The following PLCB4 variants were observed in gnomAD, a reference collection of about 807,000 sequenced individuals.
The protein encoded by PLCB4 is phospholipase C beta 4.
A neutral mutation model predicts 178.8 loss-of-function variants in PLCB4; 77 were observed. The ratio of observed to expected loss-of-function variants is 0.43; its 90% CI spans 0.36 to 0.52. The LOEUF (loss-of-function observed/expected upper bound fraction) is 0.52. Among genes scored for constraint, PLCB4 ranks in the 20% least tolerant of loss-of-function variants. The pLI, the probability that PLCB4 is intolerant of heterozygous loss-of-function variation, is 0.00. For missense variants in PLCB4, 1,024 were observed against 1,453.4 expected (o/e 0.70, Z 4.80); for synonymous variants, 496 against 490.8 (o/e 1.01, Z -0.14).
chr20:9,339,855 G>A (rs1601944599), intron 7 of PLCB4, among the ~76,000 whole-genome samples: 1 of 152,232 alleles, frequency 6.6e-6, no homozygotes, highest in East Asian at 1.9e-4. Flanking sequence ...CATTGCCCTG[G>A]CAAGTGAGTC....
intron 14 of PLCB4, among the ~76,000 whole-genome samples, chr20:9,385,444 G>A (rs1471995908): frequency 6.6e-6 from 1 of 150,918 alleles, no homozygotes; most frequent in Non-Finnish European, 1.5e-5. Context: ...GCCGGGCAGA[G>A]GCGCTCCTCA....
intron 30 of PLCB4, among the ~76,000 whole-genome samples, chr20:9,439,066 A>G (rs17391785): frequency 0.015 from 2,336 of 152,364 alleles, 17 homozygotes; most frequent in South Asian, 0.042. Context: ...GACAGGAAGA[A>G]TTCTTGACAG....
intron 1 of PLCB4, 64 bp downstream of exon 1, chr20:9,069,270 G>C (rs373099245): frequency 6.6e-6 from 1 of 152,600 alleles, no homozygotes; most frequent in East Asian, 2.0e-4. Flanking sequence ...CTCAGGGCTT[G>C]TTTGCTTTCC....
intron 39 of PLCB4, among the ~76,000 whole-genome samples, chr20:9,477,037 G>A (rs1341159175): frequency 1.3e-5 from 2 of 152,168 alleles, no homozygotes; most frequent in Non-Finnish European, 2.9e-5. Flanking sequence ...ACAGTGATGT[G>A]CAGCTGTCAT....
At chr20:9,196,280 G>A (rs531576113) in intron 2 of PLCB4, among the ~76,000 whole-genome samples, 26 of 152,292 alleles carry the variant, frequency 1.7e-4, no homozygotes, top group African/African-American at 6.3e-4. Flanking sequence ...GGACCAGAGT[G>A]CCCTGACAAT....
chr20:9,144,719 AAGGGGAAGGAGGGGAAGG>A (rs776725929), intron 2 of PLCB4, among the ~76,000 whole-genome samples: 25,308 of 55,262 alleles, frequency 0.46, 5,865 homozygotes, highest in Middle Eastern at 0.57. Context: ...GAAGGGGAAG[AAGGGGAAGGAGGGGAAGG>A]AGGGGAAGGA....
chr20:9,456,152 TGC>T (rs1414683488), intron 33 of PLCB4, among the ~76,000 whole-genome samples: 4 of 152,194 alleles, frequency 2.6e-5, no homozygotes, highest in Non-Finnish European at 5.9e-5. Flanking sequence ...GACTTTTAAC[TGC>T]AACTGAGTTG....
intron 3 of PLCB4, among the ~76,000 whole-genome samples, chr20:9,276,437 G>A (rs1253541789): frequency 6.6e-6 from 1 of 152,046 alleles, no homozygotes; most frequent in Non-Finnish European, 1.5e-5. Flanking sequence ...AGACGGGGAG[G>A]AATACCTGGA....
intron 7 of PLCB4, 100 bp downstream of exon 7, chr20:9,339,137 G>T: frequency 1.1e-6 from 1 of 908,586 alleles, no homozygotes; most frequent in South Asian, 1.8e-5. Context: ...AAATTGTATG[G>T]TAATTTAAAA....
At chr20:9,091,593 G>A (rs1156604612) in intron 1 of PLCB4, among the ~76,000 whole-genome samples, 1 of 151,430 alleles carries the variant, frequency 6.6e-6, no homozygotes, top group Admixed American at 6.6e-5. Context: ...GAGCTCCAAA[G>A]CTCCCTCTGA....
intron 2 of PLCB4, among the ~76,000 whole-genome samples, chr20:9,198,153 G>A (rs1043611969): frequency 2.0e-5 from 3 of 151,974 alleles, no homozygotes; most frequent in Non-Finnish European, 4.4e-5. Flanking sequence ...ATATAACTAA[G>A]GTTTTTATAT....
At chr20:9,114,675 G>GA (rs908824887) in intron 2 of PLCB4, among the ~76,000 whole-genome samples, 14 of 152,278 alleles carry the variant, frequency 9.2e-5, no homozygotes, top group African/African-American at 3.1e-4. Flanking sequence ...ATCCAGGGGA[G>GA]AAGCTGCTTA....
chr20:9,358,944 G>A (rs868122930), intron 7 of PLCB4, among the ~76,000 whole-genome samples: 12 of 152,076 alleles, frequency 7.9e-5, no homozygotes, highest in Admixed American at 4.6e-4. Context: ...AATGTTATTG[G>A]TGGCCAATTC....
intron 7 of PLCB4, among the ~76,000 whole-genome samples, chr20:9,360,130 C>A (rs921698222): frequency 1.3e-5 from 2 of 152,184 alleles, no homozygotes; most frequent in African/African-American, 2.4e-5. Context: ...CCTGCACCAG[C>A]TGCTCTGTGA....
intron 2 of PLCB4, among the ~76,000 whole-genome samples, chr20:9,140,635 A>G (rs1187838266): frequency 1.3e-5 from 2 of 151,776 alleles, no homozygotes; most frequent in African/African-American, 4.8e-5. Flanking sequence ...TTCTTGTTCT[A>G]TTAATTCACG....
intron 20 of PLCB4, among the ~76,000 whole-genome samples, chr20:9,403,584 A>AT (rs1380533230): frequency 6.6e-6 from 1 of 152,218 alleles, no homozygotes; most frequent in Non-Finnish European, 1.5e-5. Context: ...GTGGTGGAAG[A>AT]TTTTTTGGCA....
intron 1 of PLCB4, among the ~76,000 whole-genome samples, chr20:9,071,320 A>G (rs988867669): frequency 6.6e-6 from 1 of 152,164 alleles, no homozygotes; most frequent in Non-Finnish European, 1.5e-5. Context: ...GGACAGTTAT[A>G]TTTGGCAATT....
In PLCB4 at chr20:9,479,157, A is replaced by G. The variant is rs574089289; in HGVS notation, c.*148A>G. 8.8e-5 allele frequency: 56 copies of G among 635,776 alleles called. No individual in the cohort carries two copies. The highest frequency in any genetic ancestry group is 1.7e-4 in the East Asian group (6 of 36,220). The allele number at this position is 635,776 out of a possible 1,614,324, so 39.4% of individuals were successfully genotyped here. A position where few individuals can be genotyped will look rare whatever the true frequency, so the allele number is the denominator to read the frequency against. On this transcript the variant is annotated 3_prime_UTR_variant, in exon 40 of 40. Coordinates refer to ENST00000378473, the MANE Select transcript of PLCB4 (RefSeq NM_001377142.1). ...GACTTGGAATGTCTGACTGACTTCT[A>G]TTTAACAGCTTGAGTATTGCATTTC...
At chr20:9,449,740 A>T (rs1436483820) in intron 32 of PLCB4, among the ~76,000 whole-genome samples, 1 of 152,188 alleles carries the variant, frequency 6.6e-6, no homozygotes, top group Non-Finnish European at 1.5e-5. Flanking sequence ...TTTTTAGTAA[A>T]GCTACTGATG....
Sources: allele counts gnomAD v4.1 joint callset (sites outside exome capture counted in the v4.1 genomes callset), GRCh38; gene constraint gnomAD v4.1.1; transcripts MANE v1.5; gene names NCBI Gene and HGNC (gene_info 2026-07-23, HGNC 2026-07-21).